NSMAF: variants seen among roughly 807,000 people sequenced by gnomAD.
NSMAF encodes protein FAN.
In NSMAF, 90 loss-of-function variants were observed where a neutral mutation model predicts 134.9. That is an observed-to-expected ratio of 0.67 (90% CI 0.56 to 0.79). The LOEUF (loss-of-function observed/expected upper bound fraction) is 0.79, where lower values mean the gene tolerates loss of function less well. NSMAF is among the 30% of genes least tolerant of loss of function. NSMAF has a pLI of 0.00. For synonymous variants in NSMAF, 358 were observed against 389.6 expected (o/e 0.92, Z 0.96); for missense variants, 1,010 against 1,119.0 (o/e 0.90, Z 1.39).
chr8:58,620,172 A>G (rs1051323215), intron 9 of NSMAF, among the ~76,000 whole-genome samples: 3 of 152,220 alleles, frequency 2.0e-5, no homozygotes, highest in African/African-American at 7.2e-5. Flanking sequence ...CTTGGACCCT[A>G]TAGAGCACCA....
chr8:58,597,578 T>G (rs750452115), intron 20 of NSMAF, 28 bp from the exon 21 acceptor site: 19 of 1,609,918 alleles, frequency 1.2e-5, no homozygotes, highest in Middle Eastern at 1.6e-4. Flanking sequence ...AATAATGCAG[T>G]GAACCACTAG....
At chr8:58,651,267 G>C (rs192209010) in intron 1 of NSMAF, among the ~76,000 whole-genome samples, 1 of 152,298 alleles carries the variant, frequency 6.6e-6, no homozygotes, top group African/African-American at 2.4e-5. Flanking sequence ...GAGGGACTAA[G>C]TATCATTTCT....
At chr8:58,611,749 A>C (rs752307967) in intron 9 of NSMAF, among the ~76,000 whole-genome samples, 21 of 152,182 alleles carry the variant, frequency 1.4e-4, no homozygotes, top group Non-Finnish European at 2.9e-4. Context: ...AAGGAGAAAA[A>C]AGAATGAAAA....
chr8:58,643,672 C>T (rs1368095809), intron 1 of NSMAF, among the ~76,000 whole-genome samples: 1 of 152,050 alleles, frequency 6.6e-6, no homozygotes, highest in Admixed American at 6.6e-5. Flanking sequence ...GCTGGGATTA[C>T]AGGCATGCAC....
chr8:58,610,833 T>C (rs550459649), intron 9 of NSMAF, among the ~76,000 whole-genome samples: 56 of 152,324 alleles, frequency 3.7e-4, no homozygotes, highest in Non-Finnish European at 5.4e-4. Flanking sequence ...AGCACAAAGA[T>C]ATCTCTAGAA....
intron 9 of NSMAF, among the ~76,000 whole-genome samples, chr8:58,612,566 T>G (rs7816499): frequency 6.6e-6 from 1 of 152,076 alleles, no homozygotes; most frequent in African/African-American, 2.4e-5. Flanking sequence ...GAATGTGTTG[T>G]GGGAATCTCT....
chr8:58,639,530 A>C (rs1310130887), intron 2 of NSMAF, among the ~76,000 whole-genome samples: 1 of 152,200 alleles, frequency 6.6e-6, no homozygotes, highest in Non-Finnish European at 1.5e-5. Flanking sequence ...TTAGCCATTA[A>C]AGAAAACAGT....
At chr8:58,600,768 G>A (rs184681575) in intron 16 of NSMAF, among the ~76,000 whole-genome samples, 1,397 of 110,740 alleles carry the variant, frequency 0.013, 14 homozygotes, top group Middle Eastern at 0.023. Context: ...TCAGTGTGGT[G>A]GGATACCAAG....
chr8:58,625,832 G>C (rs1021353137), intron 6 of NSMAF, among the ~76,000 whole-genome samples: 1 of 152,114 alleles, frequency 6.6e-6, no homozygotes, highest in Admixed American at 6.5e-5. Context: ...CTGTCTTGTA[G>C]CTCATTTGTC....
chr8:58,601,608 C>T lies in NSMAF; in HGVS notation c.1126-73G>A, dbSNP rs73684347. 70 of 1,510,354 alleles carry T rather than the reference C, an allele frequency of 4.6e-5. No individual in the cohort carries two copies. In the African/African-American group the frequency reaches 7.1e-4, roughly 15 times the overall value. The allele number at this position is 1,510,354 out of a possible 1,614,324, so 93.6% of individuals were successfully genotyped here. ...AATAATAACTGACAAGTAGAAAAAG[C>T]CTAAAAGAAATCATAACATAGATAT... On this transcript the variant is annotated intron_variant, in intron 14 of 30. Transcript: ENST00000038176.
intron 9 of NSMAF, among the ~76,000 whole-genome samples, chr8:58,614,087 G>A (rs567059202): frequency 6.6e-6 from 1 of 152,278 alleles, no homozygotes; most frequent in African/African-American, 2.4e-5. Flanking sequence ...TGCACCCTAT[G>A]ATGTCCTCAC....
chr8:58,628,179 C>T (rs1258379159), intron 6 of NSMAF, among the ~76,000 whole-genome samples: 1 of 152,098 alleles, frequency 6.6e-6, no homozygotes, highest in Non-Finnish European at 1.5e-5. Flanking sequence ...AACTGGCAAG[C>T]CACATGTAGA....
At chr8:58,643,594 G>A (rs1009664152) in intron 1 of NSMAF, among the ~76,000 whole-genome samples, 1 of 150,896 alleles carries the variant, frequency 6.6e-6, no homozygotes, top group African/African-American at 2.4e-5. Flanking sequence ...GTAAAATGGC[G>A]CAGTCTCAGC....
chr8:58,635,575 G>C, intron 2 of NSMAF, 29 bp from the exon 3 acceptor site: 1 of 1,367,526 alleles, frequency 7.3e-7, no homozygotes, highest in South Asian at 1.3e-5. Context: ...CAGATTGTTT[G>C]ATGAGCATAA....
At chr8:58,631,161 A>G (rs1807048343) in intron 6 of NSMAF, among the ~76,000 whole-genome samples, 1 of 152,192 alleles carries the variant, frequency 6.6e-6, no homozygotes, top group Non-Finnish European at 1.5e-5. Context: ...GAATATTTTT[A>G]AAACTAAATT....
chr8:58,633,787 A>C (rs530980031), intron 5 of NSMAF, among the ~76,000 whole-genome samples: 1 of 152,268 alleles, frequency 6.6e-6, no homozygotes, highest in South Asian at 2.1e-4. Flanking sequence ...TATTCAAAAA[A>C]CCCAAAAGTT....
In NSMAF at chr8:58,621,147, C is replaced by T. The variant is rs150692077; in HGVS notation, c.557+2073G>A. Among the ~76,000 whole-genome samples the T allele has an allele frequency of 2.4e-3, 363 of 152,184 alleles. 1 individual carries two copies. The highest frequency in any genetic ancestry group is 0.017 in the Middle Eastern group (5 of 294). On this transcript the variant is annotated intron_variant, in intron 9 of 30. Transcript: ENST00000038176. ...TCAGTGTCTATTGTTCCCTTCTTTGCGTCCATTTGTACTCAATGTTCAGTT... is the reference window on the plus strand; with the variant it reads ...TCAGTGTCTATTGTTCCCTTCTTTGTGTCCATTTGTACTCAATGTTCAGTT...
At chr8:58,590,137 A>G in intron 24 of NSMAF, 63 bp from the exon 25 acceptor site, 3 of 1,420,924 alleles carry the variant, frequency 2.1e-6, no homozygotes, top group Non-Finnish European at 3.0e-6. Context: ...AACACAGTAA[A>G]GCTATCTTAT....
chr8:58,653,230 C>T (rs1001539928), intron 1 of NSMAF, among the ~76,000 whole-genome samples: 4 of 152,058 alleles, frequency 2.6e-5, no homozygotes, highest in African/African-American at 9.7e-5. Context: ...CTTCCATACT[C>T]TTTGGGGAAA....
Sources: gnomAD v4.1 joint callset for allele counts (sites outside exome capture counted in the v4.1 genomes callset) on GRCh38, gnomAD v4.1.1 for gene constraint, MANE v1.5 for transcripts, NCBI Gene and HGNC (gene_info 2026-07-23, HGNC 2026-07-21) for gene names.